The following PITPNM2 variants were observed in gnomAD, a reference collection of about 807,000 sequenced individuals.
The protein encoded by PITPNM2 is membrane-associated phosphatidylinositol transfer protein 2.
A neutral mutation model predicts 132.2 loss-of-function variants in PITPNM2; 35 were observed. The ratio of observed to expected loss-of-function variants is 0.26; its 90% CI spans 0.20 to 0.35. The LOEUF (loss-of-function observed/expected upper bound fraction) is 0.35, where lower values mean the gene tolerates loss of function less well. Among genes scored for constraint, PITPNM2 ranks in the 10% least tolerant of loss-of-function variants. PITPNM2 has a pLI of 1.00. For missense variants in PITPNM2, 1,332 were observed against 1,912.0 expected, an observed-to-expected ratio of 0.70 and a Z score of 5.66; for synonymous variants, 738 against 799.2, an observed-to-expected ratio of 0.92 and a Z score of 1.29.
intron 1 of PITPNM2, among the ~76,000 whole-genome samples, chr12:123,126,121 G>A (rs1029132438): frequency 4.6e-5 from 7 of 151,748 alleles, no homozygotes; most frequent in East Asian, 2.0e-4. Context: ...CGCCTGCCTC[G>A]GCCTCCCAAA....
At position 122,992,006 on chromosome 12, in the gene PITPNM2, C is replaced by T; in HGVS notation, c.2404+493G>A. 1 of 1,081,426 alleles carries T rather than the reference C, an allele frequency of 9.2e-7. No individual in the cohort carries two copies. Among genetic ancestry groups the T allele is most frequent in the Non-Finnish European group, 1.2e-6 (1 of 840,346 alleles). 67.0% of individuals were successfully genotyped at this position (1,081,426 alleles called of 1,614,324 possible). A position where few individuals can be genotyped will look rare whatever the true frequency, so the allele number is the denominator to read the frequency against. The stretch of plus-strand genomic sequence containing the variant: ...GGGCTCCTCGAGGACCAGGACGTGA[C>T]AAGACGCTGGGACACACGCTGGGGC... On this transcript the variant is annotated intron_variant, in intron 16 of 25. Transcript: ENST00000320201. The surrounding 1 kb of genome is among the most constrained non-coding windows in gnomAD (Gnocchi z 6.5).
At chr12:123,133,437 C>T (rs1364923959) in intron 1 of PITPNM2, among the ~76,000 whole-genome samples, 2 of 152,214 alleles carry the variant, frequency 1.3e-5, no homozygotes, top group Non-Finnish European at 2.9e-5. Context: ...ACATTGATCA[C>T]TCAGAGCCTC....
At chr12:123,065,113 G>T (rs561143394) in intron 2 of PITPNM2, among the ~76,000 whole-genome samples, 1 of 152,338 alleles carries the variant, frequency 6.6e-6, no homozygotes, top group South Asian at 2.1e-4. Context: ...GGCTGCACAA[G>T]GCCCTGTCCA....
intron 1 of PITPNM2, among the ~76,000 whole-genome samples, chr12:123,135,708 G>C (rs1439040648): frequency 6.6e-6 from 1 of 152,014 alleles, no homozygotes; most frequent in African/African-American, 2.4e-5. Flanking sequence ...TTTTTGTTTG[G>C]TTTTTTAGAG....
chr12:122,992,276 C>G lies in PITPNM2; in HGVS notation c.2404+223G>C, dbSNP rs751359304. Among the ~76,000 whole-genome samples, 3 of 152,132 alleles carry G rather than the reference C, an allele frequency of 2.0e-5. No individual in the cohort carries two copies. The highest frequency in any genetic ancestry group is 4.4e-5 in the Non-Finnish European group (3 of 68,014). The stretch of plus-strand genomic sequence containing the variant: ...CTGGAACAAGGCCCTGACCTGTGTC[C>G]TCTGAAAGGTGGGAACTATCATTTG... On this transcript the variant is annotated intron_variant, in intron 16 of 25. Coordinates refer to ENST00000320201, the MANE Select transcript of PITPNM2 (RefSeq NM_020845.3). The surrounding 1 kb of genome is among the most constrained non-coding windows in gnomAD (Gnocchi z 6.5).
intron 3 of PITPNM2, among the ~76,000 whole-genome samples, chr12:123,017,527 C>A (rs2039476115): frequency 6.6e-6 from 1 of 152,210 alleles, no homozygotes; most frequent in Non-Finnish European, 1.5e-5. Flanking sequence ...CCAGCCCTAC[C>A]AGCTGCTGCC....
At chr12:123,149,091 A>C (rs923017891) in intron 1 of PITPNM2, among the ~76,000 whole-genome samples, 28 of 152,204 alleles carry the variant, frequency 1.8e-4, no homozygotes, top group African/African-American at 6.5e-4. Flanking sequence ...AGATTCCATA[A>C]GGTGCAACCA....
Position 122,988,757 on chromosome 12 carries a change from C to A in PITPNM2, c.2847G>T (p.Glu949Asp). ...LPHLFHASYW[E>D]STDVVSFLLR... is the part of the protein sequence containing the mutation. The stretch of plus-strand genomic sequence containing the variant: ...GCAGAAAGGAGACCACGTCTGTTGA[C>A]TCCCAGTAGCTGGCGTGGAAGAGGT... The change falls in exon 19 of 26, where the codon GAG becomes GAT. Residue 949 changes from glutamate (E) to aspartate (D), a missense_variant. Transcript: ENST00000320201. 6.4e-7 allele frequency: 1 copy of A among 1,571,204 alleles called. No homozygotes were observed. The highest frequency in any genetic ancestry group is 8.6e-7 in the Non-Finnish European group (1 of 1,157,942).
At chr12:123,139,655 C>A (rs920296339) in intron 1 of PITPNM2, among the ~76,000 whole-genome samples, 2 of 152,202 alleles carry the variant, frequency 1.3e-5, no homozygotes, top group Admixed American at 6.5e-5. Context: ...ACTGCATTTT[C>A]TCTCTGCATC....
chr12:123,018,325 C>G (rs1354697041), intron 3 of PITPNM2, among the ~76,000 whole-genome samples: 9 of 126,468 alleles, frequency 7.1e-5, no homozygotes, highest in Non-Finnish European at 1.4e-4. Flanking sequence ...GACAGAGTCT[C>G]ATTCTGTCAC....
chr12:123,077,611 A>C lies in PITPNM2; in HGVS notation c.-96+32774T>G, dbSNP rs2041833384. Among the ~76,000 whole-genome samples, 1 of 152,072 alleles carries C rather than the reference A, an allele frequency of 6.6e-6. No individual in the cohort carries two copies. Among genetic ancestry groups the C allele is most frequent in the Admixed American group, 6.6e-5 (1 of 15,256 alleles). On this transcript the variant is annotated intron_variant, in intron 2 of 25. Transcript: ENST00000320201. The surrounding 1 kb of genome is among the most constrained non-coding windows in gnomAD (Gnocchi z 4.8). Reference sequence around the variant, plus strand: ...GACTCCCTAGAGGAGAACTCCACGCACCCAAACTCTGCTGTGCCCCCTCTG... The same window carrying C: ...GACTCCCTAGAGGAGAACTCCACGCCCCCAAACTCTGCTGTGCCCCCTCTG...
intron 2 of PITPNM2, chr12:123,092,679 T>A (rs183310207): frequency 4.6e-5 from 7 of 152,226 alleles, no homozygotes; most frequent in Non-Finnish European, 8.8e-5. Context: ...CAGAGCCACC[T>A]CTGCCTTTGC....
At chr12:123,035,597 C>T (rs1168195953) in intron 2 of PITPNM2, among the ~76,000 whole-genome samples, 5 of 151,178 alleles carry the variant, frequency 3.3e-5, no homozygotes, top group East Asian at 3.9e-4. Flanking sequence ...ACCCAGGAGG[C>T]GGAGGTTGCA....
chr12:122,992,020 A>G lies in PITPNM2; in HGVS notation c.2404+479T>C. ...CCAGGACGTGACAAGACGCTGGGAC[A>G]CACGCTGGGGCAGGGGTCGGGCCAA... On this transcript the variant is annotated intron_variant, in intron 16 of 25. Transcript: ENST00000320201. The surrounding 1 kb of genome is among the most constrained non-coding windows in gnomAD (Gnocchi z 6.5). The G allele has an allele frequency of 1.1e-6, 1 of 949,706 alleles. No individual in the cohort carries two copies. Among genetic ancestry groups the G allele is most frequent in the Non-Finnish European group, 1.4e-6 (1 of 723,874 alleles). The allele number at this position is 949,706 out of a possible 1,614,324, so 58.8% of individuals were successfully genotyped here. A position where few individuals can be genotyped will look rare whatever the true frequency, so the allele number is the denominator to read the frequency against.
intron 20 of PITPNM2, 95 bp from the exon 21 acceptor site, chr12:122,987,996 G>C: frequency 9.6e-6 from 11 of 1,140,560 alleles, no homozygotes; most frequent in Non-Finnish European, 1.4e-5. Context: ...GGGCAGGCTT[G>C]AGCTGTGAGC....
chr12:123,035,665 TC>T (rs2040243452), intron 2 of PITPNM2, among the ~76,000 whole-genome samples: 1 of 145,622 alleles, frequency 6.9e-6, no homozygotes, highest in South Asian at 2.1e-4. Flanking sequence ...AAACTCCGTC[TC>T]AAAAAAAAAA....
chr12:123,073,212 A>G (rs979363699), intron 2 of PITPNM2, among the ~76,000 whole-genome samples: 8 of 152,190 alleles, frequency 5.3e-5, no homozygotes, highest in Non-Finnish European at 8.8e-5. Flanking sequence ...TTTTTCTTCC[A>G]TATTTCATTT....
At chr12:123,107,971 G>A (rs1408732677) in intron 2 of PITPNM2, among the ~76,000 whole-genome samples, 2 of 152,348 alleles carry the variant, frequency 1.3e-5, no homozygotes, top group East Asian at 3.9e-4. Context: ...GGCTAATGCG[G>A]ACCCAGGCCT....
chr12:123,000,985 C>A lies in PITPNM2; in HGVS notation c.1153+69G>T. 1.3e-6 allele frequency: 2 copies of A among 1,549,496 alleles called. No homozygotes were observed. The highest frequency in any genetic ancestry group is 2.2e-5 in the South Asian group (2 of 89,474). ...TGCCCAGCACTGTGCAGAAGCTGGT[C>A]AGAAAGGAGGGGGCTGAAGCCCTGC... On this transcript the variant is annotated intron_variant, in intron 9 of 25. Transcript: ENST00000320201. This position sits in a 1 kb window ranked among gnomAD's most constrained non-coding sequence, Gnocchi z 5.4.
Sources: gnomAD v4.1 joint callset for allele counts (sites outside exome capture counted in the v4.1 genomes callset) on GRCh38, gnomAD v4.1.1 for gene constraint, Gnocchi (gnomAD v3.1) non-coding constraint, MANE v1.5 for transcripts, NCBI Gene and HGNC (gene_info 2026-07-23, HGNC 2026-07-21) for gene names.